ARHGEF28: variants seen among roughly 807,000 people sequenced by gnomAD.
ARHGEF28 encodes Rho guanine nucleotide exchange factor 28.
A neutral mutation model predicts 206.6 loss-of-function variants in ARHGEF28; 152 were observed. That is an observed-to-expected ratio of 0.74 (90% CI 0.64 to 0.84). The LOEUF (loss-of-function observed/expected upper bound fraction) is 0.84. Ranked by LOEUF, ARHGEF28 falls within the 40% of genes least tolerant of loss-of-function variation. The pLI is 0.00. For synonymous variants in ARHGEF28, 763 were observed against 776.4 expected, an observed-to-expected ratio of 0.98 and a Z score of 0.29; for missense variants, 2,028 against 2,073.2, an observed-to-expected ratio of 0.98 and a Z score of 0.42.
intron 9 of ARHGEF28, among the ~76,000 whole-genome samples, chr5:73,828,498 C>T (rs1757053773): frequency 6.6e-6 from 1 of 152,014 alleles, no homozygotes; most frequent in African/African-American, 2.4e-5. Flanking sequence ...TCTTGCACAC[C>T]TATGTCCTTC....
At chr5:73,662,713 A>G (rs189688049) in intron 1 of ARHGEF28, among the ~76,000 whole-genome samples, 135 of 152,306 alleles carry the variant, frequency 8.9e-4, no homozygotes, top group African/African-American at 3.2e-3. Context: ...TAAAGTATTC[A>G]GGATTTTATC....
chr5:73,762,476 C>A (rs1001459683), intron 4 of ARHGEF28, among the ~76,000 whole-genome samples: 1,733 of 118,922 alleles, frequency 0.015, 43 homozygotes, highest in African/African-American at 0.049. Context: ...AAAAAAAAAA[C>A]AAAACAACAA....
At chr5:73,756,362 T>G (rs1483775279) in intron 4 of ARHGEF28, among the ~76,000 whole-genome samples, 1 of 152,246 alleles carries the variant, frequency 6.6e-6, no homozygotes, top group Non-Finnish European at 1.5e-5. Flanking sequence ...TATAAAATCC[T>G]GGCATTGTAA....
intron 1 of ARHGEF28, among the ~76,000 whole-genome samples, chr5:73,653,417 A>G (rs373862568): frequency 3.3e-5 from 5 of 152,326 alleles, no homozygotes; most frequent in African/African-American, 1.2e-4. Flanking sequence ...TAGGAAAAGC[A>G]GAAGTTTGAT....
At chr5:73,807,242 C>T (rs1235143662) in intron 9 of ARHGEF28, among the ~76,000 whole-genome samples, 1 of 151,990 alleles carries the variant, frequency 6.6e-6, no homozygotes, top group East Asian at 1.9e-4. Context: ...CCCTCACATC[C>T]ACTATCTGTG....
intron 9 of ARHGEF28, among the ~76,000 whole-genome samples, chr5:73,805,299 A>T (rs1755372425): frequency 6.6e-6 from 1 of 152,094 alleles, no homozygotes; most frequent in Non-Finnish European, 1.5e-5. Flanking sequence ...CACCGAGTAA[A>T]CCTTAATGTA....
At chr5:73,820,988 A>G (rs567172931) in intron 9 of ARHGEF28, among the ~76,000 whole-genome samples, 5 of 152,284 alleles carry the variant, frequency 3.3e-5, no homozygotes, top group Middle Eastern at 3.4e-3. Flanking sequence ...AGAGTAGCCC[A>G]TAGCTTATTT....
At chr5:73,773,211 A>T (rs1345141770) in intron 4 of ARHGEF28, among the ~76,000 whole-genome samples, 1 of 152,198 alleles carries the variant, frequency 6.6e-6, no homozygotes, top group Non-Finnish European at 1.5e-5. Flanking sequence ...GAGCTGATGC[A>T]CACGGACCGA....
intron 31 of ARHGEF28, chr5:73,904,009 C>T (rs1762412505): frequency 1.8e-6 from 1 of 559,046 alleles, no homozygotes; most frequent in Non-Finnish European, 3.1e-6. Context: ...CCATCTCAAA[C>T]ATCGACTTTG....
chr5:73,834,785 A>C (rs1561441130), intron 10 of ARHGEF28, among the ~76,000 whole-genome samples: 2 of 152,170 alleles, frequency 1.3e-5, no homozygotes, highest in South Asian at 4.1e-4. Flanking sequence ...GCTTAGGAGA[A>C]ATAGGCTATA....
intron 9 of ARHGEF28, among the ~76,000 whole-genome samples, chr5:73,819,030 G>T (rs924006806): frequency 1.3e-5 from 2 of 152,160 alleles, no homozygotes; most frequent in African/African-American, 4.8e-5. Flanking sequence ...GTTCAAGTTG[G>T]GGGTATCATA....
At chr5:73,743,807 G>GT (rs1561372867) in intron 2 of ARHGEF28, among the ~76,000 whole-genome samples, 1 of 152,072 alleles carries the variant, frequency 6.6e-6, no homozygotes, top group Non-Finnish European at 1.5e-5. Flanking sequence ...TCCCCTCACC[G>GT]TATCTATCTG....
intron 11 of ARHGEF28, among the ~76,000 whole-genome samples, chr5:73,842,232 T>C (rs899043678): frequency 4.6e-5 from 7 of 152,208 alleles, no homozygotes; most frequent in Non-Finnish European, 8.8e-5. Context: ...TTTTCACGTA[T>C]AAAATGAATC....
chr5:73,654,361 C>T (rs1215051459), intron 1 of ARHGEF28, among the ~76,000 whole-genome samples: 1 of 152,198 alleles, frequency 6.6e-6, no homozygotes, highest in African/African-American at 2.4e-5. Flanking sequence ...CTCTCAACAC[C>T]AGCCTCAAAT....
chr5:73,822,565 C>G (rs1232650120), intron 9 of ARHGEF28, among the ~76,000 whole-genome samples: 1 of 152,164 alleles, frequency 6.6e-6, no homozygotes, highest in African/African-American at 2.4e-5. Flanking sequence ...AGGAAAAATC[C>G]TAAGAGAACC....
chr5:73,893,137 T>C, intron 27 of ARHGEF28, 60 bp from the exon 28 acceptor site: 1 of 1,328,516 alleles, frequency 7.5e-7, no homozygotes, highest in East Asian at 2.8e-5. Flanking sequence ...GTTTTTCTAA[T>C]GAATCTACAG....
chr5:73,937,836 C>A (rs1764503528), intron 35 of ARHGEF28, among the ~76,000 whole-genome samples: 1 of 152,042 alleles, frequency 6.6e-6, no homozygotes, highest in South Asian at 2.1e-4. Context: ...AGGTGGCTGG[C>A]CTTGAGAAAT....
At chr5:73,799,423 T>C (rs1755006470) in intron 9 of ARHGEF28, among the ~76,000 whole-genome samples, 1 of 152,220 alleles carries the variant, frequency 6.6e-6, no homozygotes, top group Non-Finnish European at 1.5e-5. Flanking sequence ...TGGTTAGAAA[T>C]TAAGATATCC....
At chr5:73,770,356 G>A (rs1580594634) in intron 4 of ARHGEF28, among the ~76,000 whole-genome samples, 2 of 152,180 alleles carry the variant, frequency 1.3e-5, no homozygotes, top group Non-Finnish European at 2.9e-5. Flanking sequence ...AGTAAGGAAT[G>A]GCTTATTGAA....
Sources: gnomAD v4.1 joint callset for allele counts (sites outside exome capture counted in the v4.1 genomes callset) on GRCh38, gnomAD v4.1.1 for gene constraint, MANE v1.5 for transcripts, NCBI Gene and HGNC (gene_info 2026-07-23, HGNC 2026-07-21) for gene names.